The following AFF3 variants were observed in gnomAD, a reference collection of about 807,000 sequenced individuals.
AFF3 encodes the protein AF4/FMR2 family member 3.
AFF3 carries 32 observed loss-of-function variants against 129.7 expected under a neutral mutation model. The ratio of observed to expected loss-of-function variants is 0.25; its 90% confidence interval spans 0.19 to 0.33. The LOEUF is 0.33. Among genes scored for constraint, AFF3 ranks in the 10% least tolerant of loss-of-function variants. AFF3 has a pLI of 1.00. For missense variants in AFF3, 1,373 were observed against 1,592.0 expected, an observed-to-expected ratio of 0.86 and a Z score of 2.34; for synonymous variants, 644 against 635.4, an observed-to-expected ratio of 1.01 and a Z score of -0.20.
intron 8 of AFF3, among the ~76,000 whole-genome samples, chr2:99,772,768 C>A (rs530341445): frequency 6.6e-6 from 1 of 152,338 alleles, no homozygotes; most frequent in African/African-American, 2.4e-5. Flanking sequence ...CTAGAACCAT[C>A]TATCATTAAA....
At chr2:99,648,137 T>C (rs1684860276) in intron 13 of AFF3, among the ~76,000 whole-genome samples, 1 of 152,188 alleles carries the variant, frequency 6.6e-6, no homozygotes, top group African/African-American at 2.4e-5. Flanking sequence ...TTTATATGTG[T>C]AGCTTTACTA....
intron 7 of AFF3, among the ~76,000 whole-genome samples, chr2:99,876,255 T>TACCTTTATCCA (rs1257999747): frequency 6.6e-6 from 1 of 152,220 alleles, no homozygotes; most frequent in Non-Finnish European, 1.5e-5. Flanking sequence ...GACCTCCAGG[T>TACCTTTATCCA]ACCTTTATCC....
intron 8 of AFF3, among the ~76,000 whole-genome samples, chr2:99,769,311 G>A (rs1362879805): frequency 6.6e-6 from 1 of 152,070 alleles, no homozygotes. Context: ...TATGTCAGCT[G>A]CATTTTTCAA....
chr2:99,837,606 C>A (rs2105792676), intron 7 of AFF3, 82 bp from the exon 8 acceptor site: 1 of 1,296,754 alleles, frequency 7.7e-7, no homozygotes, highest in Non-Finnish European at 1.1e-6. Context: ...CAAATTAGTC[C>A]CCCCCAACAA....
intron 4 of AFF3, among the ~76,000 whole-genome samples, chr2:100,098,904 T>C (rs1690489632): frequency 8.4e-6 from 1 of 119,034 alleles, no homozygotes; most frequent in Non-Finnish European, 1.8e-5. Flanking sequence ...CGAGGCCCCC[T>C]GCCTCCTCCA....
chr2:100,038,374 A>G (rs975424543), intron 4 of AFF3, among the ~76,000 whole-genome samples: 1 of 106,258 alleles, frequency 9.4e-6, no homozygotes, highest in East Asian at 2.3e-4. Context: ...TCCTCAAATT[A>G]AAAAAAAAAA....
chr2:99,883,518 T>C (rs1043108555), intron 7 of AFF3, among the ~76,000 whole-genome samples: 1 of 152,254 alleles, frequency 6.6e-6, no homozygotes, highest in East Asian at 1.9e-4. Context: ...ATAAATTCTC[T>C]TCTGAATTAA....
intron 15 of AFF3, among the ~76,000 whole-genome samples, chr2:99,589,539 T>C (rs1678457180): frequency 6.6e-6 from 1 of 151,472 alleles, no homozygotes; most frequent in Non-Finnish European, 1.5e-5. Context: ...GTAGCTGGGA[T>C]TACAGGCACG....
rs1447192984 is a variant in AFF3 at position 99,992,890 on chromosome 2, T to C, written c.873+13742A>G. Among the ~76,000 whole-genome samples the C allele has an allele frequency of 3.3e-5, 5 of 152,360 alleles. No homozygotes were observed. In the East Asian group the frequency reaches 5.8e-4, roughly 18 times the overall value. On this transcript the variant is annotated intron_variant, in intron 7 of 24. Coordinates refer to ENST00000672756, the MANE Select transcript of AFF3 (RefSeq NM_001386135.1). ...ATGGTGACCCAGCTTAAAGACCTCA[T>C]GTCCCAGCCTAAAGCTATAGCCAGG...
At chr2:99,563,826 A>G (rs1157331016) in intron 20 of AFF3, among the ~76,000 whole-genome samples, 5 of 151,132 alleles carry the variant, frequency 3.3e-5, no homozygotes, top group African/African-American at 1.2e-4. Context: ...AAAAAAAAAA[A>G]AAAAAAAGAA....
At chr2:100,141,500 A>G (rs1451982790) in intron 1 of AFF3, among the ~76,000 whole-genome samples, 2 of 152,226 alleles carry the variant, frequency 1.3e-5, no homozygotes, top group African/African-American at 4.8e-5. Flanking sequence ...AATGGCAGAG[A>G]CAACATTTTT....
At chr2:99,782,715 C>T (rs1348424921) in intron 8 of AFF3, among the ~76,000 whole-genome samples, 1 of 152,238 alleles carries the variant, frequency 6.6e-6, no homozygotes, top group Non-Finnish European at 1.5e-5. Context: ...TCCATCTCAA[C>T]ACACGTACAA....
At chr2:99,556,410 C>T (rs902456704) in intron 22 of AFF3, among the ~76,000 whole-genome samples, 6 of 152,066 alleles carry the variant, frequency 3.9e-5, no homozygotes, top group Non-Finnish European at 8.8e-5. Context: ...CCACTGCACT[C>T]CAGCCTGGGT....
intron 8 of AFF3, among the ~76,000 whole-genome samples, chr2:99,828,267 T>C (rs999351211): frequency 5.3e-5 from 8 of 152,108 alleles, no homozygotes; most frequent in African/African-American, 9.7e-5. Flanking sequence ...CTGGTGAACA[T>C]TGCATTGATG....
intron 7 of AFF3, among the ~76,000 whole-genome samples, chr2:99,898,284 C>T (rs755024456): frequency 6.6e-6 from 1 of 152,220 alleles, no homozygotes; most frequent in Admixed American, 6.5e-5. Context: ...ACCCCGTGTG[C>T]AGCACAACGT....
intron 8 of AFF3, among the ~76,000 whole-genome samples, chr2:99,801,823 G>A (rs1685967214): frequency 6.6e-6 from 1 of 152,082 alleles, no homozygotes; most frequent in Non-Finnish European, 1.5e-5. Context: ...TTGTTATGTG[G>A]GGTCTCTATT....
At chr2:99,881,813 A>G (rs1273134260) in intron 7 of AFF3, among the ~76,000 whole-genome samples, 1 of 152,228 alleles carries the variant, frequency 6.6e-6, no homozygotes, top group African/African-American at 2.4e-5. Context: ...ATTAATGATA[A>G]AAGAAGAAGG....
At chr2:99,584,388 G>A (rs1352834884) in intron 16 of AFF3, among the ~76,000 whole-genome samples, 3 of 152,186 alleles carry the variant, frequency 2.0e-5, no homozygotes, top group Non-Finnish European at 4.4e-5. Context: ...CAGGAGAATC[G>A]CTTGGGAGAG....
At chr2:99,659,259 T>G (rs1385182810) in intron 12 of AFF3, among the ~76,000 whole-genome samples, 1 of 152,184 alleles carries the variant, frequency 6.6e-6, no homozygotes, top group African/African-American at 2.4e-5. Context: ...TTCCTGGGAC[T>G]GAGTTTTGGC....
Sources: gnomAD v4.1 joint callset for allele counts (sites outside exome capture counted in the v4.1 genomes callset) on GRCh38, gnomAD v4.1.1 for gene constraint, MANE v1.5 for transcripts, NCBI Gene and HGNC (gene_info 2026-07-23, HGNC 2026-07-21) for gene names.